CERS5: variants seen among roughly 807,000 people sequenced by gnomAD.
The protein encoded by CERS5 is ceramide synthase 5, also known as LAG1 homolog, ceramide synthase 5.
A neutral mutation model predicts 58.9 loss-of-function variants in CERS5; 37 were observed. The ratio of observed to expected loss-of-function variants is 0.63; its 90% confidence interval spans 0.48 to 0.83. The LOEUF (loss-of-function observed/expected upper bound fraction) is 0.83. CERS5 is among the 40% of genes least tolerant of loss of function. The probability of loss-of-function intolerance (pLI) is 0.00; values close to 1 mark genes in which losing one functional copy is unlikely to be tolerated. For synonymous variants in CERS5, 147 were observed against 177.8 expected (o/e 0.83, Z 1.38); for missense variants, 398 against 489.3 (o/e 0.81, Z 1.76).
intron 9 of CERS5, chr12:50,133,438 A>C: frequency 1.0e-6 from 1 of 1,004,666 alleles, no homozygotes; most frequent in Non-Finnish European, 1.2e-6. Flanking sequence ...CTCATACACT[A>C]GTGGGGTGAG....
intron 1 of CERS5, chr12:50,165,894 T>C: frequency 2.2e-6 from 1 of 452,250 alleles, no homozygotes; most frequent in Middle Eastern, 3.3e-4. Flanking sequence ...CCCACAGGTA[T>C]AAATTCACAT....
At chr12:50,149,682 A>G (rs1233852496) in intron 1 of CERS5, among the ~76,000 whole-genome samples, 1 of 152,062 alleles carries the variant, frequency 6.6e-6, no homozygotes, top group Non-Finnish European at 1.5e-5. Flanking sequence ...GTAGCCAGAA[A>G]CCTTTAGTCT....
chr12:50,150,352 C>T (rs539984655), intron 1 of CERS5, among the ~76,000 whole-genome samples: 3 of 151,972 alleles, frequency 2.0e-5, no homozygotes, highest in Non-Finnish European at 4.4e-5. Context: ...CAGAGTGAGA[C>T]GCCATCTCCA....
At chr12:50,133,430 C>A (rs1951446048) in intron 9 of CERS5, 11 of 1,006,870 alleles carry the variant, frequency 1.1e-5, no homozygotes, top group Non-Finnish European at 1.3e-5. Flanking sequence ...ACACTTGCCT[C>A]ATACACTAGT....
intron 1 of CERS5, among the ~76,000 whole-genome samples, chr12:50,149,757 C>T (rs1937736162): frequency 6.6e-6 from 1 of 152,120 alleles, no homozygotes. Flanking sequence ...TATTTAGAGA[C>T]AGAGTCTCGC....
chr12:50,137,801 T>A lies in CERS5; in HGVS notation c.563A>T (p.Tyr188Phe). ...YPFQPLSSGL[Y>F]HYYIMELAFY... ...GGCCAATTCCATGATATAATAGTGA[T>A]AAAGCCCACTTGAAAGAGGCTGGAA... The change falls in exon 6 of 10, where the codon TAT becomes TTT. Residue 188 changes from tyrosine to phenylalanine, a missense_variant. This residue lies in a region of CERS5 where 328 missense variants were observed against 384.5 expected (regional missense o/e 0.85). Transcript: ENST00000317551. The A allele has an allele frequency of 6.2e-7, 1 of 1,604,954 alleles. No individual in the cohort carries two copies. The highest frequency in any genetic ancestry group is 1.1e-5 in the South Asian group (1 of 90,632).
intron 1 of CERS5, among the ~76,000 whole-genome samples, chr12:50,152,392 T>C (rs548612834): frequency 3.3e-5 from 5 of 152,258 alleles, no homozygotes; most frequent in Non-Finnish European, 7.3e-5. Context: ...ATGTCCTTGA[T>C]GAAGCACTAC....
intron 1 of CERS5, among the ~76,000 whole-genome samples, chr12:50,164,362 G>C (rs1398520052): frequency 6.6e-6 from 1 of 151,818 alleles, no homozygotes; most frequent in Non-Finnish European, 1.5e-5. Context: ...TTGAGCCAAA[G>C]AGGTCGAGGC....
Position 50,143,196 on chromosome 12 carries a change from A to T in CERS5, c.312T>A (p.Asp104Glu). 6.2e-7 allele frequency: 1 copy of T among 1,614,020 alleles called. No homozygotes were observed. The highest frequency in any genetic ancestry group is 8.5e-7 in the Non-Finnish European group (1 of 1,180,006). The change falls in exon 3 of 10, where the codon GAT (aspartate) becomes GAA (glutamate). Residue 104 changes from aspartate to glutamate, a missense_variant. By Grantham distance (45) the Asp-to-Glu change is conservative. This residue lies in a region of CERS5 where 328 missense variants were observed against 384.5 expected (regional missense o/e 0.85). Transcript: ENST00000317551. ...TTGACAGGCCCTCCAGCCTTTTCTT[A>T]TCAGGATACTGTGAATGTATAACCA... ...KVFISITKYP[D>E]KKRLEGLSKQ...
At position 50,141,403 on chromosome 12, in the gene CERS5, C is replaced by T. The variant is rs568909062; in HGVS notation, c.492+650G>A. On this transcript the variant is annotated intron_variant, in intron 4 of 9. Coordinates refer to ENST00000317551, the MANE Select transcript of CERS5 (RefSeq NM_147190.5). ...AATTAACTAAAAAGTAGGAATAATACCTGTTTCACCCACTTTAAAGGGTTT... is the reference window on the plus strand; with the variant it reads ...AATTAACTAAAAAGTAGGAATAATATCTGTTTCACCCACTTTAAAGGGTTT... Among the ~76,000 whole-genome samples the T allele has an allele frequency of 5.3e-4, 81 of 152,154 alleles. 1 individual carries two copies. The South Asian group carries it at 8.1e-3, about 15-fold the overall frequency.
rs776921457 is a variant in CERS5, at chr12:50,130,560, G to T, written c.1164C>A (p.Tyr388Ter). Residue 388 changes from tyrosine (Y) to a stop codon, truncating the protein, a stop_gained, in exon 10 of 10, where the codon TAC becomes TAA. Coordinates refer to ENST00000317551, the MANE Select transcript of CERS5 (RefSeq NM_147190.5). LOFTEE classifies it high-confidence loss of function. ...AGCAACCACCTTACTCTTCAGCCCAGTAGCTGCCTCCCATGTGACCATTCA... is the reference window on the plus strand; with the variant it reads ...AGCAACCACCTTACTCTTCAGCCCATTAGCTGCCTCCCATGTGACCATTCA... Reference protein sequence around the residue: ...NRVNGHMGGSYWAEE With the variant: ...NRVNGHMGGS 3 of 1,608,182 alleles carry T rather than the reference G, an allele frequency of 1.9e-6. No homozygotes were observed. The Admixed American group carries it at 5.0e-5, about 27-fold the overall frequency.
Position 50,134,071 on chromosome 12 carries a change from G to GAA in CERS5, c.1029+473_1029+474dup, listed in dbSNP as rs57888855. 260 of 79,660 alleles carry GAA rather than the reference G, an allele frequency of 3.3e-3. 6 individuals are homozygous for GAA. The highest frequency in any genetic ancestry group is 0.01 in the South Asian group (20 of 1,938). The allele number at this position is 79,660 out of a possible 1,614,324, so 4.9% of individuals were successfully genotyped here. On this transcript the variant is annotated intron_variant, in intron 9 of 9. Transcript: ENST00000317551. ...TGGGCAACAGAGCGAGATTCCATCT[G>GAA]AAAAAAAAAAAAAAAAAAGGTAAAA...
intron 9 of CERS5, among the ~76,000 whole-genome samples, chr12:50,131,156 C>T (rs1951295682): frequency 6.6e-6 from 1 of 152,240 alleles, no homozygotes; most frequent in South Asian, 2.1e-4. Flanking sequence ...TGATCCATAA[C>T]AGGCCTTTTT....
intron 9 of CERS5, chr12:50,133,385 G>A: frequency 9.5e-7 from 1 of 1,053,680 alleles, no homozygotes; most frequent in Non-Finnish European, 1.2e-6. Flanking sequence ...GGCATAAGAT[G>A]GGTATTTGAA....
chr12:50,144,072 AC>A lies in CERS5; in HGVS notation c.198-16del. On this transcript the variant is annotated splice_polypyrimidine_tract_variant and intron_variant, in intron 1 of 9. Coordinates refer to ENST00000317551, the MANE Select transcript of CERS5 (RefSeq NM_147190.5). ...TGGCAATAAATCTGTAATGGAGAAA[AC>A]CCACGGGCCAATTCTTTTTAAAAAA... The A allele has an allele frequency of 3.4e-6, 5 of 1,467,658 alleles. No homozygotes were observed. The highest frequency in any genetic ancestry group is 4.8e-6 in the Non-Finnish European group (5 of 1,048,278). The allele number at this position is 1,467,658 out of a possible 1,614,324, so 90.9% of individuals were successfully genotyped here.
intron 6 of CERS5, among the ~76,000 whole-genome samples, chr12:50,137,206 C>T (rs1359096275): frequency 6.6e-6 from 1 of 152,128 alleles, no homozygotes; most frequent in African/African-American, 2.4e-5. Context: ...TAAGTCATTT[C>T]CAACTCTGTC....
At chr12:50,143,474 G>A in intron 2 of CERS5, 1 of 337,098 alleles carries the variant, frequency 3.0e-6, no homozygotes, top group South Asian at 5.4e-5. Context: ...GGCCAGGCAT[G>A]GTGGCTCATG....
intron 1 of CERS5, among the ~76,000 whole-genome samples, chr12:50,151,407 CCTT>C (rs1486518291): frequency 6.6e-6 from 1 of 152,306 alleles, no homozygotes; most frequent in East Asian, 1.9e-4. Context: ...TGACTAATCT[CCTT>C]CTTGAAATGC....
At chr12:50,141,921 CAG>C in intron 4 of CERS5, 130 bp downstream of exon 4, 1 of 576,184 alleles carries the variant, frequency 1.7e-6, no homozygotes, top group East Asian at 3.3e-5. Context: ...GCTTGGGTGA[CAG>C]AGCAAGACTC....
Sources: gnomAD v4.1 joint callset for allele counts (sites outside exome capture counted in the v4.1 genomes callset) on GRCh38, gnomAD v4.1.1 for gene constraint, gnomAD v4.1.1 regional missense constraint, MANE v1.5 for transcripts, NCBI Gene and HGNC (gene_info 2026-07-23, HGNC 2026-07-21) for gene names.